SHC4: variants seen among roughly 807,000 people sequenced by gnomAD.
The protein encoded by SHC4 is SHC-transforming protein 4.
Under a neutral mutation model 69.4 loss-of-function variants are expected in SHC4, and 41 were observed. The ratio of observed to expected loss-of-function variants is 0.59; its 90% CI spans 0.46 to 0.77. The LOEUF is 0.77. SHC4 is among the 30% of genes least tolerant of loss of function. SHC4 has a pLI of 0.00. For missense variants in SHC4, 777 were observed against 783.8 expected, an observed-to-expected ratio of 0.99 and a Z score of 0.10; for synonymous variants, 318 against 299.3, an observed-to-expected ratio of 1.06 and a Z score of -0.64.
chr15:48,907,232 CT>C (rs1276371598), intron 2 of SHC4, among the ~76,000 whole-genome samples: 2 of 145,480 alleles, frequency 1.4e-5, no homozygotes, highest in Non-Finnish European at 1.5e-5. Context: ...TTTTCTTTTC[CT>C]TTTTTTTTCG....
intron 2 of SHC4, among the ~76,000 whole-genome samples, chr15:48,896,277 T>TCTCTCTCTCTCTCCCTCCCTCTCC (rs1900219830): frequency 7.4e-6 from 1 of 134,454 alleles, no homozygotes; most frequent in Non-Finnish European, 1.6e-5. Flanking sequence ...TCTCCCTCTC[T>TCTCTCTCTCTCTCCCTCCCTCTCC]CTCTCTCTCT....
chr15:48,901,950 C>G (rs1307851069), intron 2 of SHC4, among the ~76,000 whole-genome samples: 1 of 151,920 alleles, frequency 6.6e-6, no homozygotes, highest in Non-Finnish European at 1.5e-5. Context: ...GCCTGTAATC[C>G]CAGCACTTTG....
intron 5 of SHC4, among the ~76,000 whole-genome samples, chr15:48,868,679 T>A (rs1290377153): frequency 3.3e-5 from 5 of 152,090 alleles, no homozygotes; most frequent in African/African-American, 9.7e-5. Flanking sequence ...GAAGATGCAA[T>A]CAACTGGCAG....
chr15:48,838,479 T>C (rs975908023), intron 10 of SHC4, among the ~76,000 whole-genome samples: 4 of 152,146 alleles, frequency 2.6e-5, no homozygotes, highest in African/African-American at 9.7e-5. Context: ...TGTATTTGCA[T>C]TGAAAGGAAA....
At chr15:48,930,033 G>A (rs1003685162) in intron 1 of SHC4, among the ~76,000 whole-genome samples, 6 of 152,272 alleles carry the variant, frequency 3.9e-5, no homozygotes, top group African/African-American at 1.4e-4. Context: ...TCAGAGGAAA[G>A]GAATGATAGT....
At chr15:48,885,299 C>T (rs1900015472) in intron 3 of SHC4, among the ~76,000 whole-genome samples, 1 of 151,908 alleles carries the variant, frequency 6.6e-6, no homozygotes, top group Non-Finnish European at 1.5e-5. Flanking sequence ...AATAAACTTT[C>T]TAAGCCTCAA....
At chr15:48,938,139 C>T (rs1422507795) in intron 1 of SHC4, 10 of 152,064 alleles carry the variant, frequency 6.6e-5, no homozygotes, top group South Asian at 2.1e-4. Flanking sequence ...ACTGGTTCTC[C>T]GAAATGAAAA....
chr15:48,836,063 C>T (rs904134376), intron 10 of SHC4, among the ~76,000 whole-genome samples: 4 of 147,254 alleles, frequency 2.7e-5, no homozygotes, highest in East Asian at 2.0e-4. Context: ...CATAGTGGCA[C>T]GTGCCTGCAG....
Position 48,872,596 on chromosome 15 carries a change from GA to G in SHC4, c.841-455del, listed in dbSNP as rs553116311. On this transcript the variant is annotated intron_variant, in intron 4 of 11. Transcript: ENST00000332408. ...AATCGGAACTGAGAACTAAAAATAG[GA>G]AAAAAGTCTGGTGGTAACATTTGTT... 5.9e-5 allele frequency among the ~76,000 whole-genome samples: 9 copies of G among 152,168 alleles called. No individual in the cohort carries two copies. In the South Asian group the frequency reaches 1.7e-3, roughly 28 times the overall value.
Position 48,876,095 on chromosome 15 carries a change from C to T in SHC4, c.841-3953G>A, listed in dbSNP as rs148447211. The stretch of plus-strand genomic sequence containing the variant: ...TTTGTAGAAAAACAGTCACCATTGG[C>T]GGCACATTTCAGTGACACAGAATGG... On this transcript the variant is annotated intron_variant, in intron 4 of 11. Coordinates refer to ENST00000332408, the MANE Select transcript of SHC4 (RefSeq NM_203349.4). 3.1e-3 allele frequency among the ~76,000 whole-genome samples: 475 copies of T among 152,188 alleles called. 3 individuals carry two copies. The highest frequency in any genetic ancestry group is 0.011 in the African/African-American group (458 of 41,516).
chr15:48,888,954 G>GAGAAA (rs935532077), intron 3 of SHC4, among the ~76,000 whole-genome samples: 2 of 151,466 alleles, frequency 1.3e-5, no homozygotes, highest in African/African-American at 4.9e-5. Flanking sequence ...ATAAAGTGGA[G>GAGAAA]AGAAAAGAAA....
At chr15:48,867,743 G>A (rs1226462054) in intron 6 of SHC4, 75 bp downstream of exon 6, 1 of 1,249,278 alleles carries the variant, frequency 8.0e-7, no homozygotes, top group African/African-American at 1.5e-5. Context: ...TCTGTACATT[G>A]AAAATAACTG....
At chr15:48,840,222 T>C (rs1898966690) in intron 10 of SHC4, among the ~76,000 whole-genome samples, 1 of 152,194 alleles carries the variant, frequency 6.6e-6, no homozygotes, top group Non-Finnish European at 1.5e-5. Context: ...GTCAGCCCTT[T>C]TTACACTACA....
chr15:48,837,605 A>G (rs1354198702), intron 10 of SHC4, among the ~76,000 whole-genome samples: 1 of 152,158 alleles, frequency 6.6e-6, no homozygotes, highest in Admixed American at 6.5e-5. Flanking sequence ...TGATATAATC[A>G]TATTTTCTGA....
chr15:48,876,311 A>G (rs1464537592), intron 4 of SHC4, among the ~76,000 whole-genome samples: 1 of 152,156 alleles, frequency 6.6e-6, no homozygotes, highest in Non-Finnish European at 1.5e-5. Context: ...GAGATTTTGA[A>G]AGAGACTGAG....
At chr15:48,836,916 T>C (rs895759185) in intron 10 of SHC4, among the ~76,000 whole-genome samples, 3 of 152,236 alleles carry the variant, frequency 2.0e-5, no homozygotes, top group Admixed American at 2.0e-4. Context: ...CTTTCTATTG[T>C]TGCCAGAAAT....
chr15:48,885,235 G>A (rs1900013499), intron 3 of SHC4, among the ~76,000 whole-genome samples: 1 of 152,162 alleles, frequency 6.6e-6, no homozygotes, highest in Admixed American at 6.5e-5. Context: ...GAGAGGCTGG[G>A]CTGGCAGATT....
chr15:48,923,722 C>T (rs985434424), intron 2 of SHC4, among the ~76,000 whole-genome samples: 1 of 148,478 alleles, frequency 6.7e-6, no homozygotes, highest in African/African-American at 2.5e-5. Context: ...TCACTGAAGC[C>T]TTGAACTCCT....
intron 3 of SHC4, among the ~76,000 whole-genome samples, chr15:48,884,977 A>G (rs2289183): frequency 0.017 from 2,527 of 152,356 alleles, 62 homozygotes; most frequent in East Asian, 0.068. Context: ...TATTACTAGG[A>G]AGGGGTTAGC....
Sources: allele counts gnomAD v4.1 joint callset (sites outside exome capture counted in the v4.1 genomes callset), GRCh38; gene constraint gnomAD v4.1.1; transcripts MANE v1.5; gene names NCBI Gene and HGNC (gene_info 2026-07-23, HGNC 2026-07-21).